Variants in OR2AT4 observed in about 807,000 individuals in gnomAD.
OR2AT4 encodes olfactory receptor 2AT4.
In OR2AT4, 6 loss-of-function variants were observed where a neutral mutation model predicts 10.3. The ratio of observed to expected loss-of-function variants is 0.58; its 90% CI spans 0.32 to 1.15. The LOEUF (loss-of-function observed/expected upper bound fraction) is 1.15, where lower values mean the gene tolerates loss of function less well. OR2AT4 is among the 50% of genes most tolerant of loss of function. OR2AT4 has a pLI of 0.05. For missense variants in OR2AT4, 354 were observed against 393.8 expected (o/e 0.90, Z 0.85); for synonymous variants, 145 against 159.1 (o/e 0.91, Z 0.67).
chr11:75,090,431 A>G (rs1170228659), intron 1 of OR2AT4, 67 bp from the exon 2 acceptor site: 6 of 152,268 alleles, frequency 3.9e-5, no homozygotes, highest in Non-Finnish European at 8.8e-5. Flanking sequence ...AAACCTGGAT[A>G]AATTACACAA....
exon 2 of OR2AT4, chr11:75,087,381 T>C (rs1286246379): frequency 6.6e-6 from 1 of 152,130 alleles, no homozygotes; most frequent in African/African-American, 2.4e-5. Context: ...AACATATAAT[T>C]TATCTAATAT....
At chr11:75,085,613 T>C (rs1241847543) in exon 2 of OR2AT4, 2 of 152,000 alleles carry the variant, frequency 1.3e-5, no homozygotes, top group Non-Finnish European at 2.9e-5. Flanking sequence ...AACAAAATAT[T>C]CACAAGTCAA....
chr11:75,088,801 C>T (rs757292673), exon 2 of OR2AT4: 15 of 1,591,938 alleles, frequency 9.4e-6, no homozygotes, highest in Middle Eastern at 3.4e-4. Flanking sequence ...TTGGTGATGG[C>T]TGCCTTTACA....
chr11:75,092,702 T>C (rs1366443503), intron 1 of OR2AT4, among the ~76,000 whole-genome samples: 1 of 151,956 alleles, frequency 6.6e-6, no homozygotes, highest in Non-Finnish European at 1.5e-5. Flanking sequence ...TCCTAATACT[T>C]TGGGAGGCTG....
At chr11:75,089,948 T>C in exon 2 of OR2AT4, 3 of 496,808 alleles carry the variant, frequency 6.0e-6, no homozygotes, top group Non-Finnish European at 1.1e-5. Flanking sequence ...AATTAATTAA[T>C]AACCAACCAA....
At chr11:75,095,982 ACAGAAAAGGGAGTCC>A (rs1486970246) in intron 1 of OR2AT4, 2 of 152,162 alleles carry the variant, frequency 1.3e-5, no homozygotes, top group African/African-American at 4.8e-5. Context: ...ATAGATGGGG[ACAGAAAAGGGAGTCC>A]CAGAAATGGG....
intron 1 of OR2AT4, among the ~76,000 whole-genome samples, chr11:75,095,726 G>T (rs899250262): frequency 7.0e-6 from 1 of 142,192 alleles, no homozygotes; most frequent in Non-Finnish European, 1.5e-5. Flanking sequence ...CACCCAGGCT[G>T]GAGTGCAGTG....
chr11:75,095,829 C>T (rs1418772648), intron 1 of OR2AT4, among the ~76,000 whole-genome samples: 2 of 152,098 alleles, frequency 1.3e-5, no homozygotes, highest in Admixed American at 1.3e-4. Context: ...AGGCGCTTGC[C>T]ACCATGTCCG....
At chr11:75,095,660 T>G (rs1477941944) in intron 1 of OR2AT4, among the ~76,000 whole-genome samples, 2 of 149,064 alleles carry the variant, frequency 1.3e-5, no homozygotes, top group African/African-American at 2.5e-5. Flanking sequence ...AGTGATTAAA[T>G]AGTTTTCACC....
chr11:75,096,020 C>G (rs2140281400), intron 1 of OR2AT4: 1 of 152,256 alleles, frequency 6.6e-6, no homozygotes, highest in African/African-American at 2.4e-5. Flanking sequence ...GTGACTTTCC[C>G]AAGGTCACAC....
At chr11:75,093,979 T>G (rs111504478) in intron 1 of OR2AT4, among the ~76,000 whole-genome samples, 6 of 151,912 alleles carry the variant, frequency 3.9e-5, no homozygotes, top group Admixed American at 1.3e-4. Context: ...TGTGCCATCA[T>G]GCCCAGCTAG....
chr11:75,093,966 G>A (rs7112183), intron 1 of OR2AT4, among the ~76,000 whole-genome samples: 20,890 of 151,278 alleles, frequency 0.14, 1,817 homozygotes, highest in East Asian at 0.39. Context: ...GGGATTACAG[G>A]CATGTGCCAT....
At chr11:75,089,989 G>A (rs1325177328) in exon 2 of OR2AT4, 2 of 365,444 alleles carry the variant, frequency 5.5e-6, no homozygotes, top group Non-Finnish European at 9.8e-6. Flanking sequence ...TTTAGGTGAT[G>A]AAGTGATCAA....
chr11:75,084,597 G>C (rs551663826), exon 2 of OR2AT4: 1 of 151,904 alleles, frequency 6.6e-6, no homozygotes, highest in East Asian at 1.9e-4. Flanking sequence ...TCATATTTTA[G>C]GCCACTAAAA....
rs1949331839 is a variant in OR2AT4 at position 75,093,794 on chromosome 11, TTTTCTTTTTC to T, written c.-652+3024_-652+3033del. Among the ~76,000 whole-genome samples, 3 of 109,234 alleles carry T rather than the reference TTTTCTTTTTC, an allele frequency of 2.7e-5. No homozygotes were observed. The South Asian group carries it at 9.6e-4, about 35-fold the overall frequency. The allele number at this position is 109,234 out of a possible 152,430, so 71.7% of individuals were successfully genotyped here. ...GGCTTTTCCTTTTCTCTTTTCTTTT[TTTTCTTTTTC>T]TTTTTCTTTTTTTTTTTTTTTTTTT... On this transcript the variant is annotated intron_variant, in intron 1 of 1. Transcript: ENST00000641504.
intron 1 of OR2AT4, among the ~76,000 whole-genome samples, chr11:75,092,345 G>A (rs1282004760): frequency 6.6e-6 from 1 of 152,094 alleles, no homozygotes; most frequent in African/African-American, 2.4e-5. Flanking sequence ...TTCACATCAG[G>A]ATATATAACC....
chr11:75,093,248 TG>T (rs1949329031), intron 1 of OR2AT4, among the ~76,000 whole-genome samples: 1 of 152,266 alleles, frequency 6.6e-6, no homozygotes, highest in Admixed American at 6.5e-5. Flanking sequence ...GATGTCCCTC[TG>T]TAAGAGCATG....
exon 2 of OR2AT4, chr11:75,083,153 A>G (rs1485959003): frequency 6.6e-6 from 1 of 152,214 alleles, no homozygotes; most frequent in East Asian, 1.9e-4. Flanking sequence ...CAAACTATGT[A>G]TCTGACAAAG....
At chr11:75,082,757 A>G (rs1949272362) in exon 2 of OR2AT4, 3 of 152,320 alleles carry the variant, frequency 2.0e-5, no homozygotes, top group Admixed American at 2.0e-4. Context: ...CTATCAAAAG[A>G]GTAAACAGAC....
Sources: gnomAD v4.1 joint callset for allele counts (sites outside exome capture counted in the v4.1 genomes callset) on GRCh38, gnomAD v4.1.1 for gene constraint, MANE v1.5 for transcripts, NCBI Gene and HGNC (gene_info 2026-07-23, HGNC 2026-07-21) for gene names.